The following TSPEAR variants were observed in gnomAD, a reference collection of about 807,000 sequenced individuals.
TSPEAR encodes the protein thrombospondin type laminin G domain and EAR repeats, also known as thrombospondin-type laminin G domain and EAR repeat-containing protein.
A neutral mutation model predicts 71.6 loss-of-function variants in TSPEAR; 69 were observed. The observed-to-expected ratio is 0.96, with a 90% CI of 0.79 to 1.18. The LOEUF (loss-of-function observed/expected upper bound fraction) is 1.18. Ranked by LOEUF, TSPEAR falls within the 50% of genes most tolerant of loss-of-function variation. The probability of loss-of-function intolerance (pLI) is 0.00; values close to 1 mark genes in which losing one functional copy is unlikely to be tolerated. For missense variants in TSPEAR, 971 were observed against 894.9 expected, an observed-to-expected ratio of 1.09 and a Z score of -1.09; for synonymous variants, 402 against 387.2, an observed-to-expected ratio of 1.04 and a Z score of -0.45.
chr21:44,525,283 TTAGTC>T (rs1184195197), intron 8 of TSPEAR, among the ~76,000 whole-genome samples: 2 of 152,022 alleles, frequency 1.3e-5, no homozygotes, highest in Non-Finnish European at 2.9e-5. Context: ...GTCAGGTAAT[TTAGTC>T]AATCAGTCAT....
intron 1 of TSPEAR, among the ~76,000 whole-genome samples, chr21:44,580,863 A>C (rs1978926624): frequency 6.6e-6 from 1 of 152,076 alleles, no homozygotes; most frequent in Non-Finnish European, 1.5e-5. Context: ...ATCGGTTCTT[A>C]TTTTAGCCCC....
At chr21:44,581,863 A>G (rs1364171474) in intron 1 of TSPEAR, among the ~76,000 whole-genome samples, 1 of 152,184 alleles carries the variant, frequency 6.6e-6, no homozygotes, top group East Asian at 1.9e-4. Flanking sequence ...TTTCTGAGTA[A>G]AAGACTATTT....
chr21:44,645,720 A>G (rs928316080), intron 1 of TSPEAR, among the ~76,000 whole-genome samples: 1 of 152,084 alleles, frequency 6.6e-6, no homozygotes, highest in Admixed American at 6.6e-5. Flanking sequence ...CTCCATGTTT[A>G]TGTTTTAAGA....
intron 2 of TSPEAR, chr21:44,551,540 G>C (rs2053440859): frequency 4.6e-6 from 7 of 1,528,146 alleles, no homozygotes; most frequent in Non-Finnish European, 6.2e-6. Context: ...GTGTGTGTGT[G>C]AGCCTGTTGG....
rs1601307728 is a variant in TSPEAR, at chr21:44,499,238, T to A, written c.*545A>T. On this transcript the variant is annotated 3_prime_UTR_variant, in exon 12 of 12. Coordinates refer to ENST00000323084, the MANE Select transcript of TSPEAR (RefSeq NM_144991.3). ...AGCCTCTCTCTGTATGGGGAGGTGG[T>A]CCTCTGTCCGTGTCCGTGGTGAGGG... is the stretch of plus-strand genomic sequence containing the variant. 2 of 152,390 alleles carry A rather than the reference T, an allele frequency of 1.3e-5. No individual in the cohort carries two copies. The highest frequency in any genetic ancestry group is 4.1e-4 in the South Asian group (2 of 4,848). The allele number at this position is 152,390 out of a possible 1,614,324, so 9.4% of individuals were successfully genotyped here. A position where few individuals can be genotyped will look rare whatever the true frequency, so the allele number is the denominator to read the frequency against.
Position 44,558,402 on chromosome 21 carries a change from C to T in TSPEAR, c.303+9383G>A, listed in dbSNP as rs1555920343. On this transcript the variant is annotated intron_variant, in intron 2 of 11. Transcript: ENST00000323084. Reference sequence around the variant, plus strand: ...GACGGGCACACAGCAGACTGGCTTGCAGCAGACAGGCACGCAGCAGGCCTG... The same window carrying T: ...GACGGGCACACAGCAGACTGGCTTGTAGCAGACAGGCACGCAGCAGGCCTG... 1.8e-5 allele frequency: 29 copies of T among 1,613,518 alleles called. 1 individual carries two copies. In the South Asian group the frequency reaches 3.2e-4, roughly 18 times the overall value.
intron 1 of TSPEAR, among the ~76,000 whole-genome samples, chr21:44,622,895 T>C (rs1189649710): frequency 1.3e-5 from 2 of 152,188 alleles, no homozygotes; most frequent in African/African-American, 4.8e-5. Context: ...GGATCTCTCA[T>C]GACTTAGTAG....
rs1555911262 is a variant in TSPEAR at position 44,502,904 on chromosome 21, G to GCAAGGC, written c.1856+1875_1856+1876insGCCTTG. On this transcript the variant is annotated intron_variant, in intron 11 of 11. Coordinates refer to ENST00000323084, the MANE Select transcript of TSPEAR (RefSeq NM_144991.3). ...CCGGCCTCGGTGAGCCCTCGGGGAA[G>GCAAGGC]TAAGGCGCTGGGAGGAAGCTGGCCT... Among the ~76,000 whole-genome samples the GCAAGGC allele has an allele frequency of 2.9e-4, 38 of 130,178 alleles. 1 individual carries two copies. In the Middle Eastern group the frequency reaches 0.017, roughly 58 times the overall value. The allele number at this position is 130,178 out of a possible 152,430, so 85.4% of individuals were successfully genotyped here. A position where few individuals can be genotyped will look rare whatever the true frequency, so the allele number is the denominator to read the frequency against.
chr21:44,543,276 T>C (rs1555917413), intron 2 of TSPEAR, among the ~76,000 whole-genome samples: 1 of 152,156 alleles, frequency 6.6e-6, no homozygotes, highest in African/African-American at 2.4e-5. Flanking sequence ...AAAATATTTA[T>C]GGAAATAAAA....
intron 2 of TSPEAR, chr21:44,539,199 C>G: frequency 6.6e-7 from 1 of 1,509,024 alleles, no homozygotes; most frequent in African/African-American, 1.4e-5. Context: ...CACGGGGACC[C>G]GTCCTAGGTG....
intron 1 of TSPEAR, among the ~76,000 whole-genome samples, chr21:44,705,804 C>T (rs1987883441): frequency 6.6e-6 from 1 of 152,168 alleles, no homozygotes; most frequent in African/African-American, 2.4e-5. Context: ...TGTGATCTCG[C>T]CCTGCCTCCA....
intron 5 of TSPEAR, among the ~76,000 whole-genome samples, chr21:44,528,971 G>T (rs781920307): frequency 6.6e-5 from 10 of 152,354 alleles, no homozygotes; most frequent in African/African-American, 2.4e-4. Flanking sequence ...GCTTGAACCT[G>T]TGGCGGTTTG....
At chr21:44,684,771 TG>T (rs1986779755) in intron 1 of TSPEAR, among the ~76,000 whole-genome samples, 1 of 152,120 alleles carries the variant, frequency 6.6e-6, no homozygotes, top group African/African-American at 2.4e-5. Flanking sequence ...AGGAAGGAGA[TG>T]GGGGAAGGTA....
chr21:44,689,735 A>ATTTTT (rs1347117943), intron 1 of TSPEAR, among the ~76,000 whole-genome samples: 2 of 124,168 alleles, frequency 1.6e-5, no homozygotes, highest in African/African-American at 6.6e-5. Context: ...ATATATATAT[A>ATTTTT]TATATTTTGG....
intron 1 of TSPEAR, chr21:44,579,422 A>G (rs1450424499): frequency 4.7e-6 from 2 of 426,802 alleles, no homozygotes; most frequent in Non-Finnish European, 4.2e-6. Flanking sequence ...GCTCAAAACC[A>G]TGTATCCCCA....
At chr21:44,646,368 C>G in intron 1 of TSPEAR, 1 of 1,507,700 alleles carries the variant, frequency 6.6e-7, no homozygotes, top group Non-Finnish European at 8.9e-7. Context: ...ATTTAAAAGC[C>G]CCACAGCCCT....
rs587612375 is a variant in TSPEAR, at chr21:44,512,255, CGAG to C, written c.1567-2872_1567-2870del. Among the ~76,000 whole-genome samples, 713 of 145,954 alleles carry C rather than the reference CGAG, an allele frequency of 4.9e-3. 9 individuals carry two copies. The highest frequency in any genetic ancestry group is 0.017 in the African/African-American group (682 of 39,270). On this transcript the variant is annotated intron_variant, in intron 9 of 11. Transcript: ENST00000323084. ...AGCCGGAGGAGGCTTTTGAGCAGAA[CGAG>C]GAGGTCAGATGTATGTGGACGGCTC... is the stretch of plus-strand genomic sequence containing the variant.
At chr21:44,676,619 C>A in intron 1 of TSPEAR, 1 of 754,358 alleles carries the variant, frequency 1.3e-6, no homozygotes, top group South Asian at 1.4e-5. Flanking sequence ...TGCTCAAATT[C>A]ATACTTCAAT....
At position 44,711,374 on chromosome 21, in the gene TSPEAR, C is replaced by G; in HGVS notation, c.82+59G>C. On this transcript the variant is annotated intron_variant, in intron 1 of 11. Transcript: ENST00000323084. This position sits in a 1 kb window ranked among gnomAD's most constrained non-coding sequence, Gnocchi z 4.5. ...TTAGAAAGTGGCATTTGTGACTCGACACCCCTCCCAGCTCCCCGGCAAGAT... is the reference window on the plus strand; with the variant it reads ...TTAGAAAGTGGCATTTGTGACTCGAGACCCCTCCCAGCTCCCCGGCAAGAT... 6.8e-7 allele frequency: 1 copy of G among 1,476,718 alleles called. No individual in the cohort carries two copies. The highest frequency in any genetic ancestry group is 2.0e-5 in the Admixed American group (1 of 48,980). 91.5% of individuals were successfully genotyped at this position (1,476,718 alleles called of 1,614,324 possible). A position where few individuals can be genotyped will look rare whatever the true frequency, so the allele number is the denominator to read the frequency against.
Sources: gnomAD v4.1 joint callset for allele counts (sites outside exome capture counted in the v4.1 genomes callset) on GRCh38, gnomAD v4.1.1 for gene constraint, Gnocchi (gnomAD v3.1) non-coding constraint, MANE v1.5 for transcripts, NCBI Gene and HGNC (gene_info 2026-07-23, HGNC 2026-07-21) for gene names.